FBN1: variants seen among roughly 807,000 people sequenced by gnomAD.
FBN1 encodes the protein fibrillin 1.
FBN1 carries 29 observed loss-of-function variants against 365.1 expected under a neutral mutation model. That is an observed-to-expected ratio of 0.08 (90% CI 0.06 to 0.11). The LOEUF (loss-of-function observed/expected upper bound fraction) is 0.11. FBN1 is among the 10% of genes least tolerant of loss of function. The pLI is 1.00. For synonymous variants in FBN1, 1,210 were observed against 1,270.5 expected (o/e 0.95, Z 1.01); for missense variants, 2,476 against 3,703.2 (o/e 0.67, Z 8.60).
chr15:48,553,379 T>C (rs1026010236), intron 6 of FBN1, among the ~76,000 whole-genome samples: 2 of 152,110 alleles, frequency 1.3e-5, no homozygotes, highest in African/African-American at 4.8e-5. Context: ...TTTCAAACAA[T>C]ACGTCAATAA....
chr15:48,481,833 CT>C, intron 31 of FBN1, 53 bp from the exon 32 acceptor site: 1 of 1,533,254 alleles, frequency 6.5e-7, no homozygotes, highest in Non-Finnish European at 9.0e-7. Flanking sequence ...TCATTGAGTA[CT>C]TTCCCCTCGA....
rs150400274 is a variant in FBN1, at chr15:48,472,947, C to T, written c.4211-271G>A. Reference sequence around the variant, plus strand: ...TAAGGCCTGTTCAAGAAGGGTCATCCGCATGGAGGGCACACCCATGACAGG... The same window carrying T: ...TAAGGCCTGTTCAAGAAGGGTCATCTGCATGGAGGGCACACCCATGACAGG... On this transcript the variant is annotated intron_variant, in intron 34 of 65. Coordinates refer to ENST00000316623, the MANE Select transcript of FBN1 (RefSeq NM_000138.5). 7.7e-4 allele frequency among the ~76,000 whole-genome samples: 117 copies of T among 152,246 alleles called. 2 individuals are homozygous for T. In the East Asian group the frequency reaches 0.02, roughly 26 times the overall value.
intron 26 of FBN1, 27 bp downstream of exon 26, chr15:48,488,341 C>G: frequency 6.2e-7 from 1 of 1,614,248 alleles, no homozygotes; most frequent in African/African-American, 1.3e-5. Flanking sequence ...CGTCCCCTCT[C>G]CTGGCCCTTA....
chr15:48,464,278 A>G (rs998136594), intron 40 of FBN1, among the ~76,000 whole-genome samples: 2 of 152,206 alleles, frequency 1.3e-5, no homozygotes, highest in Non-Finnish European at 2.9e-5. Context: ...TGGGAGGCCA[A>G]GGTGGGTGGA....
At chr15:48,440,899 T>TAAAAAAAAAAAAAAAACCAAA (rs146628631) in intron 50 of FBN1, among the ~76,000 whole-genome samples, 1 of 133,852 alleles carries the variant, frequency 7.5e-6, no homozygotes, top group Non-Finnish European at 1.5e-5. Context: ...CAAAAAACCA[T>TAAAAAAAAAAAAAAAACCAAA]GAAAAAAAAA....
chr15:48,557,065 T>TG (rs986021426), intron 6 of FBN1, among the ~76,000 whole-genome samples: 1 of 151,788 alleles, frequency 6.6e-6, no homozygotes, highest in Non-Finnish European at 1.5e-5. Context: ...GAGAGGGGAG[T>TG]TGAGTGCACA....
At chr15:48,467,529 C>A (rs982717181) in intron 38 of FBN1, among the ~76,000 whole-genome samples, 1 of 152,204 alleles carries the variant, frequency 6.6e-6, no homozygotes, top group African/African-American at 2.4e-5. Context: ...ATGGAATAAT[C>A]TTCCATTTTA....
At chr15:48,576,705 C>T (rs1050433944) in intron 6 of FBN1, among the ~76,000 whole-genome samples, 5 of 152,226 alleles carry the variant, frequency 3.3e-5, no homozygotes, top group Non-Finnish European at 5.9e-5. Context: ...AAGTGTCACA[C>T]ACCACTCTTG....
Position 48,497,500 on chromosome 15 carries a change from G to A in FBN1, c.2168-109C>T. On this transcript the variant is annotated intron_variant, in intron 18 of 65. Transcript: ENST00000316623. The stretch of plus-strand genomic sequence containing the variant: ...TGTAATGACCTTAGGAGCTACAGGA[G>A]GAAAAAAATCGATTTCACTGGAAAG... The A allele has an allele frequency of 2.8e-6, 3 of 1,082,882 alleles. No homozygotes were observed. The South Asian group carries it at 4.2e-5, about 15-fold the overall frequency. 67.1% of individuals were successfully genotyped at this position (1,082,882 alleles called of 1,614,324 possible).
chr15:48,461,974 G>C (rs1185487170), intron 42 of FBN1, among the ~76,000 whole-genome samples: 1 of 152,172 alleles, frequency 6.6e-6, no homozygotes, highest in Non-Finnish European at 1.5e-5. Flanking sequence ...GGCCCATGGG[G>C]TGTATTTTGC....
chr15:48,623,653 G>A (rs1040353858), intron 2 of FBN1, among the ~76,000 whole-genome samples: 5 of 152,108 alleles, frequency 3.3e-5, no homozygotes, highest in Admixed American at 1.3e-4. Context: ...AGCCTCATGC[G>A]GCCAATTCCT....
chr15:48,429,291 C>A (rs540156870), intron 56 of FBN1, among the ~76,000 whole-genome samples: 1 of 151,998 alleles, frequency 6.6e-6, no homozygotes, highest in African/African-American at 2.4e-5. Context: ...CTAGATTAAT[C>A]TTCAGATTAA....
At position 48,463,077 on chromosome 15, in the gene FBN1, C is replaced by T; in HGVS notation, c.5224+5G>A. The T allele has an allele frequency of 2.5e-6, 4 of 1,613,346 alleles. No homozygotes were observed. The highest frequency in any genetic ancestry group is 1.3e-5 in the African/African-American group (1 of 75,000). On this transcript the variant is annotated splice_donor_5th_base_variant and intron_variant, in intron 42 of 65. Coordinates refer to ENST00000316623, the MANE Select transcript of FBN1 (RefSeq NM_000138.5). Reference sequence around the variant, plus strand: ...ATTTTTGATAATGGAGAAACTAAAACTCACCTGTACTTGGGATGGGACACT... The same window carrying T: ...ATTTTTGATAATGGAGAAACTAAAATTCACCTGTACTTGGGATGGGACACT...
At chr15:48,600,421 C>T (rs907967936) in intron 4 of FBN1, among the ~76,000 whole-genome samples, 187 bp from the exon 5 acceptor site, 3 of 152,098 alleles carry the variant, frequency 2.0e-5, no homozygotes, top group South Asian at 2.1e-4. Context: ...AATCATTTAC[C>T]GGCTAGGCGC....
At position 48,456,767 on chromosome 15, in the gene FBN1, A is replaced by C. The variant is rs2043241764; in HGVS notation, c.5297-5T>G. On this transcript the variant is annotated splice_polypyrimidine_tract_variant and splice_region_variant and intron_variant, in intron 43 of 65. Coordinates refer to ENST00000316623, the MANE Select transcript of FBN1 (RefSeq NM_000138.5). ...TCTCCCGGCACTCATCAATATCTAGAGACAGAGTAGTCATTCATGAGTGAC... is the reference window on the plus strand; with the variant it reads ...TCTCCCGGCACTCATCAATATCTAGCGACAGAGTAGTCATTCATGAGTGAC... 6.2e-7 allele frequency: 1 copy of C among 1,612,988 alleles called. No homozygotes were observed. Among genetic ancestry groups the C allele is most frequent in the Non-Finnish European group, 8.5e-7 (1 of 1,179,604 alleles).
At chr15:48,608,821 T>C (rs2044633853) in intron 4 of FBN1, among the ~76,000 whole-genome samples, 1 of 152,230 alleles carries the variant, frequency 6.6e-6, no homozygotes, top group Admixed American at 6.5e-5. Flanking sequence ...ACTTGGATTC[T>C]ACCAGGACCA....
At chr15:48,644,128 G>T (rs1890246444) in intron 2 of FBN1, 1 of 161,024 alleles carries the variant, frequency 6.2e-6, no homozygotes, top group Non-Finnish European at 1.4e-5. Flanking sequence ...ATTTTAATAA[G>T]CATAATTTAC....
chr15:48,502,153 C>T (rs778085767), intron 17 of FBN1, among the ~76,000 whole-genome samples: 3 of 152,112 alleles, frequency 2.0e-5, no homozygotes, highest in East Asian at 1.9e-4. Flanking sequence ...CTCAGCCTCC[C>T]GAGTAGCTGG....
intron 2 of FBN1, among the ~76,000 whole-genome samples, chr15:48,621,652 C>T (rs1382378196): frequency 6.6e-6 from 1 of 152,128 alleles, no homozygotes; most frequent in Non-Finnish European, 1.5e-5. Flanking sequence ...AAACTCAGAA[C>T]ATTTGAATAA....
Sources: gnomAD v4.1 joint callset for allele counts (sites outside exome capture counted in the v4.1 genomes callset) on GRCh38, gnomAD v4.1.1 for gene constraint, MANE v1.5 for transcripts, NCBI Gene and HGNC (gene_info 2026-07-23, HGNC 2026-07-21) for gene names.